Variants in SLC22A16 observed in about 807,000 individuals in gnomAD.
SLC22A16 encodes WUGSC:RG331P03.1.
Under a neutral mutation model 52.9 loss-of-function variants are expected in SLC22A16, and 53 were observed. That is an observed-to-expected ratio of 1.00 (90% CI 0.80 to 1.26). The LOEUF (loss-of-function observed/expected upper bound fraction) is 1.26, where lower values mean the gene tolerates loss of function less well. SLC22A16 is among the 50% of genes most tolerant of loss of function. The probability of loss-of-function intolerance (pLI) is 0.00; values close to 1 mark genes in which losing one functional copy is unlikely to be tolerated. For synonymous variants in SLC22A16, 291 were observed against 268.8 expected, an observed-to-expected ratio of 1.08 and a Z score of -0.81; for missense variants, 726 against 704.0, an observed-to-expected ratio of 1.03 and a Z score of -0.35.
intron 5 of SLC22A16, among the ~76,000 whole-genome samples, chr6:110,437,787 G>A (rs1469697321): frequency 1.5e-5 from 2 of 129,270 alleles, no homozygotes; most frequent in Admixed American, 7.2e-5. Context: ...GATGCAAGAG[G>A]TATTTTGAGG....
intron 7 of SLC22A16, among the ~76,000 whole-genome samples, chr6:110,428,821 G>A (rs925900181): frequency 6.6e-6 from 1 of 152,202 alleles, no homozygotes; most frequent in South Asian, 2.1e-4. Flanking sequence ...TTGGGAGGCT[G>A]AGGCGGGAGA....
chr6:110,442,676 C>CA lies in SLC22A16; in HGVS notation c.750dup (p.Ala251CysfsTer52), dbSNP rs775791770. On this transcript the variant is annotated frameshift_variant, in exon 4 of 8. Coordinates refer to ENST00000368919, the MANE Select transcript of SLC22A16 (RefSeq NM_033125.4). LOFTEE classifies it high-confidence loss of function. ...AAAGCCACCAGCAGGGTTCCAACTGCAAAAAAGGAATGCAAATGGACAGAC... is the reference window on the plus strand; with the variant it reads ...AAAGCCACCAGCAGGGTTCCAACTGCAAAAAAAGGAATGCAAATGGACAGAC... 6.2e-6 allele frequency: 10 copies of CA among 1,613,778 alleles called. No homozygotes were observed. Among genetic ancestry groups the CA allele is most frequent in the East Asian group, 4.5e-5 (2 of 44,890 alleles).
chr6:110,453,716 A>G (rs1775472223), intron 2 of SLC22A16: 1 of 456,194 alleles, frequency 2.2e-6, no homozygotes, highest in South Asian at 1.5e-5. Context: ...GAGAGGGGAC[A>G]TTATCTCATC....
chr6:110,438,556 T>C (rs930983103), intron 5 of SLC22A16, among the ~76,000 whole-genome samples, 164 bp downstream of exon 5: 1 of 133,738 alleles, frequency 7.5e-6, no homozygotes, highest in Non-Finnish European at 1.8e-5. Context: ...ATATTACTTA[T>C]ATAACAGAAA....
At chr6:110,451,828 A>T (rs560782677) in intron 2 of SLC22A16, among the ~76,000 whole-genome samples, 1 of 152,254 alleles carries the variant, frequency 6.6e-6, no homozygotes, top group South Asian at 2.1e-4. Flanking sequence ...TAGAAAAATC[A>T]CCCTTTCTTC....
At position 110,425,047 on chromosome 6, in the gene SLC22A16, T is replaced by A. The variant is rs372422641; in HGVS notation, c.1560A>T (p.Leu520Phe). The change falls in exon 8 of 8, where the codon TTA becomes TTT. Residue 520 changes from leucine (L) to phenylalanine (F), a missense_variant. By Grantham distance (22) the Leu-to-Phe change is conservative. Coordinates refer to ENST00000368919, the MANE Select transcript of SLC22A16 (RefSeq NM_033125.4). Reference sequence around the variant, plus strand: ...CAAGGGTTTCTGGAAGCTTTAGTGTTAACACTCCACTCAGGAGGGCCATAG... The same window carrying A: ...CAAGGGTTTCTGGAAGCTTTAGTGTAAACACTCCACTCAGGAGGGCCATAG... Reference protein sequence around the residue: ...VGTMALLSGVLTLKLPETLGK... With the variant: ...VGTMALLSGVFTLKLPETLGK... The A allele has an allele frequency of 3.1e-6, 5 of 1,614,076 alleles. No individual in the cohort carries two copies. The highest frequency in any genetic ancestry group is 4.2e-6 in the Non-Finnish European group (5 of 1,180,040).
At chr6:110,431,994 G>A (rs1275860971) in intron 6 of SLC22A16, among the ~76,000 whole-genome samples, 6 of 152,146 alleles carry the variant, frequency 3.9e-5, no homozygotes, top group Non-Finnish European at 8.8e-5. Context: ...GTATACCTGT[G>A]TACTGTTCTA....
intron 3 of SLC22A16, among the ~76,000 whole-genome samples, chr6:110,444,217 T>C (rs560212757): frequency 6.6e-6 from 1 of 152,286 alleles, no homozygotes; most frequent in Non-Finnish European, 1.5e-5. Context: ...CAATATGTGA[T>C]TAGAATATAA....
chr6:110,470,433 CA>C (rs1288944825), intron 1 of SLC22A16, among the ~76,000 whole-genome samples: 1 of 152,126 alleles, frequency 6.6e-6, no homozygotes, highest in African/African-American at 2.4e-5. Flanking sequence ...GGAACAGCTC[CA>C]CCACTGAAAA....
intron 1 of SLC22A16, 143 bp downstream of exon 1, chr6:110,476,379 C>G: frequency 2.2e-6 from 3 of 1,378,082 alleles, no homozygotes; most frequent in Non-Finnish European, 2.8e-6. Context: ...CGTCTGGACG[C>G]CCGTGTCCCG....
At chr6:110,430,843 G>A (rs1774467783) in intron 7 of SLC22A16, among the ~76,000 whole-genome samples, 1 of 152,238 alleles carries the variant, frequency 6.6e-6, no homozygotes, top group Non-Finnish European at 1.5e-5. Flanking sequence ...AGGCCAGCGG[G>A]TGGGGGCAGA....
At chr6:110,425,181 AT>A in intron 7 of SLC22A16, 96 bp from the exon 8 acceptor site, 2 of 1,545,908 alleles carry the variant, frequency 1.3e-6, no homozygotes, top group Non-Finnish European at 1.7e-6. Context: ...AGGGTAATGG[AT>A]TTGAATTTGA....
At chr6:110,459,162 C>T (rs1185482982) in intron 1 of SLC22A16, among the ~76,000 whole-genome samples, 1 of 152,120 alleles carries the variant, frequency 6.6e-6, no homozygotes, top group East Asian at 1.9e-4. Flanking sequence ...GTAGACATTC[C>T]CTCTCTCCAG....
At chr6:110,471,701 G>A (rs897694366) in intron 1 of SLC22A16, among the ~76,000 whole-genome samples, 1 of 152,208 alleles carries the variant, frequency 6.6e-6, no homozygotes, top group Admixed American at 6.5e-5. Flanking sequence ...GGACAGGGAC[G>A]GAGTAGGGCT....
chr6:110,428,810 C>T (rs980303086), intron 7 of SLC22A16, among the ~76,000 whole-genome samples: 2 of 152,162 alleles, frequency 1.3e-5, no homozygotes, highest in Non-Finnish European at 2.9e-5. Context: ...GTCCCAGCTT[C>T]TTGGGAGGCT....
chr6:110,472,441 A>C (rs1218605832), intron 1 of SLC22A16, among the ~76,000 whole-genome samples: 1 of 152,064 alleles, frequency 6.6e-6, no homozygotes, highest in African/African-American at 2.4e-5. Flanking sequence ...CTTTGCAAAA[A>C]CACTCATGGA....
chr6:110,444,092 A>G lies in SLC22A16; in HGVS notation c.652-1317T>C, dbSNP rs374192689. ...TGCACTTAATATCACTCAACTGTAC[A>G]CTTAAAAATGGTTAGGATGGTAAAT... is the stretch of plus-strand genomic sequence containing the variant. On this transcript the variant is annotated intron_variant, in intron 3 of 7. Coordinates refer to ENST00000368919, the MANE Select transcript of SLC22A16 (RefSeq NM_033125.4). Among the ~76,000 whole-genome samples, 342 of 152,354 alleles carry G rather than the reference A, an allele frequency of 2.2e-3. 3 individuals are homozygous for G. Among genetic ancestry groups the G allele is most frequent in the African/African-American group, 8.0e-3 (331 of 41,590 alleles).
At chr6:110,452,170 G>T (rs1208785285) in intron 2 of SLC22A16, among the ~76,000 whole-genome samples, 1 of 152,058 alleles carries the variant, frequency 6.6e-6, no homozygotes, top group Non-Finnish European at 1.5e-5. Context: ...GTTTATAATT[G>T]TCTCCACAGA....
intron 1 of SLC22A16, among the ~76,000 whole-genome samples, chr6:110,467,902 A>G (rs891161240): frequency 1.3e-5 from 2 of 152,202 alleles, no homozygotes; most frequent in African/African-American, 4.8e-5. Flanking sequence ...TGGTGAACAC[A>G]CCCCACTTTG....
Sources: allele counts gnomAD v4.1 joint callset (sites outside exome capture counted in the v4.1 genomes callset), GRCh38; gene constraint gnomAD v4.1.1; transcripts MANE v1.5; gene names NCBI Gene and HGNC (gene_info 2026-07-23, HGNC 2026-07-21).